Variants in KIRREL3 observed in about 807,000 individuals in gnomAD.
KIRREL3 encodes kirre like nephrin family adhesion molecule 3.
A neutral mutation model predicts 89.7 loss-of-function variants in KIRREL3; 36 were observed. The observed-to-expected ratio is 0.40, with a 90% CI of 0.31 to 0.53. The LOEUF (loss-of-function observed/expected upper bound fraction) is 0.53, where lower values mean the gene tolerates loss of function less well. Among genes scored for constraint, KIRREL3 ranks in the 20% least tolerant of loss-of-function variants. KIRREL3 has a pLI of 0.49. For missense variants in KIRREL3, 864 were observed against 1,056.6 expected (o/e 0.82, Z 2.53); for synonymous variants, 445 against 441.4 (o/e 1.01, Z -0.10).
In KIRREL3 at chr11:127,000,647, G is replaced by A; in HGVS notation, c.-138C>T. 1 of 784,202 alleles carries A rather than the reference G, an allele frequency of 1.3e-6. No homozygotes were observed. Among genetic ancestry groups the A allele is most frequent in the East Asian group, 2.9e-5 (1 of 34,884 alleles). The allele number at this position is 784,202 out of a possible 1,614,324, so 48.6% of individuals were successfully genotyped here. A position where few individuals can be genotyped will look rare whatever the true frequency, so the allele number is the denominator to read the frequency against. ...ATCTGTCCGTCCGTGGGTCCCTCCGGGTGGCTTCGGTCTCTTTGTGCCTCT... is the reference window on the plus strand; with the variant it reads ...ATCTGTCCGTCCGTGGGTCCCTCCGAGTGGCTTCGGTCTCTTTGTGCCTCT... On this transcript the variant is annotated 5_prime_UTR_variant, in exon 1 of 17. Transcript: ENST00000525144. This position sits in a 1 kb window ranked among gnomAD's most constrained non-coding sequence, Gnocchi z 7.1.
rs150039650 is a variant in KIRREL3, at chr11:126,890,817, C to T, written c.55+109638G>A. On this transcript the variant is annotated intron_variant, in intron 1 of 16. Coordinates refer to ENST00000525144, the MANE Select transcript of KIRREL3 (RefSeq NM_032531.4). This position sits in a 1 kb window ranked among gnomAD's most constrained non-coding sequence, Gnocchi z 5.1. ...CCTGTGCCCAGCGCTGCCCCAGCAT[C>T]CTCCCAACCACTGTCCTCAGCATTG... Among the ~76,000 whole-genome samples, 191 of 152,338 alleles carry T rather than the reference C, an allele frequency of 1.3e-3. 1 individual carries two copies. The East Asian group carries it at 0.025, about 20-fold the overall frequency.
rs369456577 is a variant in KIRREL3, at chr11:126,853,019, A to G, written c.55+147436T>C. Among the ~76,000 whole-genome samples the G allele has an allele frequency of 1.2e-3, 190 of 152,318 alleles. 3 individuals are homozygous for G. In the South Asian group the frequency reaches 0.037, roughly 30 times the overall value. ...CTTCCTAGAGTCACTAAAAGCTCAC[A>G]GCAGGAACTTCATGTAACTTAAGTT... On this transcript the variant is annotated intron_variant, in intron 1 of 16. Transcript: ENST00000525144.
rs768813036 is a variant in KIRREL3, at chr11:126,438,837, C to G, written c.1353+1612G>C. 2.1e-3 allele frequency among the ~76,000 whole-genome samples: 326 copies of G among 152,306 alleles called. 3 individuals are homozygous for G. Among genetic ancestry groups the G allele is most frequent in the Non-Finnish European group, 1.0e-3 (71 of 68,042 alleles). ...ATCTTAGTTAACAGGATGACAGTTT[C>G]AGTTGGTGCAGCCTGGGTGTCTCAG... is the stretch of plus-strand genomic sequence containing the variant. On this transcript the variant is annotated intron_variant, in intron 11 of 16. Coordinates refer to ENST00000525144, the MANE Select transcript of KIRREL3 (RefSeq NM_032531.4).
At position 126,943,341 on chromosome 11, in the gene KIRREL3, C is replaced by T. The variant is rs3909929; in HGVS notation, c.55+57114G>A. ...AGACTCCATCTCCACCACGGAACGC[C>T]TTACTCCTGGAACTAATCACAGCAT... On this transcript the variant is annotated intron_variant, in intron 1 of 16. Transcript: ENST00000525144. The surrounding 1 kb of genome is among the most constrained non-coding windows in gnomAD (Gnocchi z 4.2). Among the ~76,000 whole-genome samples the T allele has an allele frequency of 6.6e-6, 1 of 152,172 alleles. No individual in the cohort carries two copies. The highest frequency in any genetic ancestry group is 2.4e-5 in the African/African-American group (1 of 41,440).
Position 126,622,028 on chromosome 11 carries a change from G to A in KIRREL3, c.56-59116C>T, listed in dbSNP as rs780136017. 2.0e-5 allele frequency among the ~76,000 whole-genome samples: 3 copies of A among 152,172 alleles called. No homozygotes were observed. Among genetic ancestry groups the A allele is most frequent in the Non-Finnish European group, 4.4e-5 (3 of 68,034 alleles). On this transcript the variant is annotated intron_variant, in intron 1 of 16. Coordinates refer to ENST00000525144, the MANE Select transcript of KIRREL3 (RefSeq NM_032531.4). This position sits in a 1 kb window ranked among gnomAD's most constrained non-coding sequence, Gnocchi z 5.2. ...GGACTGTTGGTTGTATTTCTGGACA[G>A]TTGAGGTGCTGCCCATGGGCTGGGT...
intron 10 of KIRREL3, among the ~76,000 whole-genome samples, chr11:126,442,549 G>A (rs1955621906): frequency 6.6e-6 from 1 of 152,210 alleles, no homozygotes; most frequent in Non-Finnish European, 1.5e-5. Context: ...TGAGGTGTGT[G>A]CCAATTTCTT....
chr11:126,425,975 G>T (rs1954929726), intron 15 of KIRREL3, among the ~76,000 whole-genome samples: 1 of 152,210 alleles, frequency 6.6e-6, no homozygotes, highest in Non-Finnish European at 1.5e-5. Context: ...AGGTATCCGA[G>T]GCCATACTTT....
At chr11:126,596,744 C>G (rs1288069247) in intron 1 of KIRREL3, among the ~76,000 whole-genome samples, 1 of 152,156 alleles carries the variant, frequency 6.6e-6, no homozygotes, top group Non-Finnish European at 1.5e-5. Flanking sequence ...CATCTTGAGC[C>G]CAGCTTTCTT....
In KIRREL3 at chr11:126,427,667, T is replaced by C. The variant is rs1329082219; in HGVS notation, c.1806+1512A>G. On this transcript the variant is annotated intron_variant, in intron 15 of 16. Coordinates refer to ENST00000525144, the MANE Select transcript of KIRREL3 (RefSeq NM_032531.4). This position sits in a 1 kb window ranked among gnomAD's most constrained non-coding sequence, Gnocchi z 5.3. The stretch of plus-strand genomic sequence containing the variant: ...GTTGCCTGGCACTGAGGAGCCCTGA[T>C]GGCACACCAGGAAGTTGGGCTTTGT... Among the ~76,000 whole-genome samples the C allele has an allele frequency of 2.0e-5, 3 of 152,308 alleles. No homozygotes were observed. The highest frequency in any genetic ancestry group is 7.2e-5 in the African/African-American group (3 of 41,550).
chr11:126,575,061 C>T lies in KIRREL3; in HGVS notation c.56-12149G>A, dbSNP rs761965840. Among the ~76,000 whole-genome samples the T allele has an allele frequency of 1.5e-3, 227 of 152,210 alleles. 2 individuals are homozygous for T. Among genetic ancestry groups the T allele is most frequent in the Non-Finnish European group, 2.7e-3 (184 of 68,022 alleles). On this transcript the variant is annotated intron_variant, in intron 1 of 16. Coordinates refer to ENST00000525144, the MANE Select transcript of KIRREL3 (RefSeq NM_032531.4). This position sits in a 1 kb window ranked among gnomAD's most constrained non-coding sequence, Gnocchi z 7.0. ...GTGGTTATGGCAATGTGGAGGAGGC[C>T]GGTGGCCCAGGGCCTGAACTGCAGG...
intron 4 of KIRREL3, among the ~76,000 whole-genome samples, chr11:126,504,956 G>A (rs1414619431): frequency 6.6e-6 from 1 of 152,114 alleles, no homozygotes; most frequent in East Asian, 1.9e-4. Context: ...AACCCAACAC[G>A]ATGTGTAGTA....
At chr11:126,632,791 T>TAA (rs755510570) in intron 1 of KIRREL3, among the ~76,000 whole-genome samples, 3,867 of 48,468 alleles carry the variant, frequency 0.08, 119 homozygotes, top group African/African-American at 0.15. Flanking sequence ...AGTCTAAACT[T>TAA]AAAAAAAAAA....
At chr11:126,466,878 G>T (rs1336620105) in intron 5 of KIRREL3, among the ~76,000 whole-genome samples, 1 of 152,220 alleles carries the variant, frequency 6.6e-6, no homozygotes, top group Non-Finnish European at 1.5e-5. Flanking sequence ...AGTTATTCAT[G>T]GTGGGCCACT....
intron 1 of KIRREL3, among the ~76,000 whole-genome samples, chr11:126,634,428 C>A (rs2134898914): frequency 6.6e-6 from 1 of 152,282 alleles, no homozygotes; most frequent in African/African-American, 2.4e-5. Flanking sequence ...AGTTTTCAGC[C>A]CCCCAGGCTA....
intron 4 of KIRREL3, among the ~76,000 whole-genome samples, chr11:126,517,502 G>T (rs1230281796): frequency 1.3e-5 from 2 of 152,150 alleles, no homozygotes; most frequent in Admixed American, 6.5e-5. Context: ...GGGGTGGTTG[G>T]GGGGGATCCT....
At position 126,513,004 on chromosome 11, in the gene KIRREL3, C is replaced by A. The variant is rs117611919; in HGVS notation, c.433+8311G>T. ...GGACTGGGGCAGGAGTGAATGCGTC[C>A]CAGCTCCCCAGTGAGGGCCGTTTGT... On this transcript the variant is annotated intron_variant, in intron 4 of 16. Coordinates refer to ENST00000525144, the MANE Select transcript of KIRREL3 (RefSeq NM_032531.4). The surrounding 1 kb of genome is among the most constrained non-coding windows in gnomAD (Gnocchi z 5.9). Among the ~76,000 whole-genome samples the A allele has an allele frequency of 5.9e-3, 896 of 152,182 alleles. 2 individuals carry two copies. Among genetic ancestry groups the A allele is most frequent in the Non-Finnish European group, 9.6e-3 (653 of 67,992 alleles).
In KIRREL3 at chr11:126,669,676, G is replaced by A. The variant is rs779724743; in HGVS notation, c.56-106764C>T. On this transcript the variant is annotated intron_variant, in intron 1 of 16. Transcript: ENST00000525144. The surrounding 1 kb of genome is among the most constrained non-coding windows in gnomAD (Gnocchi z 5.0). ...TGTTGGAGGACTCCTGCACTTCCTC[G>A]TGGGCTTTTCTCTCTTCTCCATTTA... Among the ~76,000 whole-genome samples, 5 of 152,092 alleles carry A rather than the reference G, an allele frequency of 3.3e-5. No individual in the cohort carries two copies. Among genetic ancestry groups the A allele is most frequent in the Non-Finnish European group, 5.9e-5 (4 of 68,008 alleles).
rs555405982 is a variant in KIRREL3 at position 126,978,760 on chromosome 11, T to A, written c.55+21695A>T. Among the ~76,000 whole-genome samples, 2 of 152,272 alleles carry A rather than the reference T, an allele frequency of 1.3e-5. No homozygotes were observed. The highest frequency in any genetic ancestry group is 1.3e-4 in the Admixed American group (2 of 15,298). On this transcript the variant is annotated intron_variant, in intron 1 of 16. Transcript: ENST00000525144. The surrounding 1 kb of genome is among the most constrained non-coding windows in gnomAD (Gnocchi z 4.2). ...TTCTCTGAGCTCTGTTCCCCCAAGG[T>A]GGGCTAGGCAACCCTAGTGTCTGCT... is the stretch of plus-strand genomic sequence containing the variant.
In KIRREL3 at chr11:126,525,720, C is replaced by T. The variant is rs1205588484; in HGVS notation, c.283+818G>A. ...CAGAGGTCCCTGCTTGTGAATTTTA[C>T]TGTGTACGCCAAGCCTAGCAAACAA... On this transcript the variant is annotated intron_variant, in intron 3 of 16. Transcript: ENST00000525144. The surrounding 1 kb of genome is among the most constrained non-coding windows in gnomAD (Gnocchi z 5.4). Among the ~76,000 whole-genome samples the T allele has an allele frequency of 6.6e-6, 1 of 152,192 alleles. No individual in the cohort carries two copies. Among genetic ancestry groups the T allele is most frequent in the Non-Finnish European group, 1.5e-5 (1 of 68,042 alleles).
Sources: gnomAD v4.1 joint callset for allele counts (sites outside exome capture counted in the v4.1 genomes callset) on GRCh38, gnomAD v4.1.1 for gene constraint, Gnocchi (gnomAD v3.1) non-coding constraint, MANE v1.5 for transcripts, NCBI Gene and HGNC (gene_info 2026-07-23, HGNC 2026-07-21) for gene names.